Variants in ZNF407 observed in about 807,000 individuals in gnomAD.
The protein encoded by ZNF407 is zinc finger protein 407.
ZNF407 carries 17 observed loss-of-function variants against 131.2 expected under a neutral mutation model. That is an observed-to-expected ratio of 0.13 (90% CI 0.09 to 0.19). ZNF407 has a LOEUF of 0.19. ZNF407 is among the 10% of genes least tolerant of loss of function. The probability of loss-of-function intolerance (pLI) is 1.00; values close to 1 mark genes in which losing one functional copy is unlikely to be tolerated. For missense variants in ZNF407, 2,681 were observed against 2,830.6 expected (o/e 0.95, Z 1.20); for synonymous variants, 1,156 against 1,062.0 (o/e 1.09, Z -1.72).
intron 3 of ZNF407, among the ~76,000 whole-genome samples, chr18:74,755,683 A>C (rs1968922560): frequency 7.0e-6 from 1 of 142,738 alleles, no homozygotes; most frequent in South Asian, 2.3e-4. Context: ...CTGCCTCCTG[A>C]GTTCAAGCGA....
At chr18:74,628,023 C>T (rs1983879699) in intron 1 of ZNF407, among the ~76,000 whole-genome samples, 1 of 152,016 alleles carries the variant, frequency 6.6e-6, no homozygotes, top group Non-Finnish European at 1.5e-5. Flanking sequence ...TACAGGTTCA[C>T]ACCACCACAG....
At chr18:74,627,130 T>C (rs1983817763) in intron 1 of ZNF407, among the ~76,000 whole-genome samples, 1 of 152,248 alleles carries the variant, frequency 6.6e-6, no homozygotes, top group Non-Finnish European at 1.5e-5. Context: ...TGTCTTGCAC[T>C]GTTGCTTCGT....
chr18:74,734,671 T>TTGTG (rs200073035), intron 3 of ZNF407, among the ~76,000 whole-genome samples: 14,230 of 138,824 alleles, frequency 0.1, 862 homozygotes, highest in Non-Finnish European at 0.16. Flanking sequence ...GAGTTTCAAT[T>TTGTG]TGTGTGTGTG....
intron 4 of ZNF407, among the ~76,000 whole-genome samples, chr18:74,820,052 GA>G (rs1970319514): frequency 6.6e-6 from 1 of 152,224 alleles, no homozygotes; most frequent in South Asian, 2.1e-4. Context: ...TACAGAAGAA[GA>G]AAGGAGGGAT....
intron 7 of ZNF407, among the ~76,000 whole-genome samples, chr18:74,914,015 C>T (rs542763632): frequency 2.0e-5 from 3 of 152,192 alleles, no homozygotes; most frequent in South Asian, 2.1e-4. Context: ...AAATTCTGTA[C>T]GTCAAAGCTG....
chr18:74,867,391 T>C (rs1035528864), intron 4 of ZNF407, among the ~76,000 whole-genome samples: 2 of 152,234 alleles, frequency 1.3e-5, no homozygotes, highest in Admixed American at 1.3e-4. Context: ...TATCTTAATT[T>C]ATATTTATAG....
chr18:74,927,582 G>A (rs564631640), intron 8 of ZNF407, among the ~76,000 whole-genome samples: 5 of 152,282 alleles, frequency 3.3e-5, no homozygotes, highest in Middle Eastern at 3.4e-3. Flanking sequence ...AGTCACTCAA[G>A]CATTTTGTGT....
chr18:74,907,258 G>T (rs1455604341), intron 7 of ZNF407, among the ~76,000 whole-genome samples: 1 of 152,186 alleles, frequency 6.6e-6, no homozygotes, highest in East Asian at 1.9e-4. Context: ...CTCACAGAGG[G>T]AGTGCAGCAG....
In ZNF407 at chr18:74,724,844, A is replaced by G. The variant is rs933588010; in HGVS notation, c.4803-56584A>G. On this transcript the variant is annotated intron_variant, in intron 3 of 8. Coordinates refer to ENST00000299687, the MANE Select transcript of ZNF407 (RefSeq NM_017757.3). ...TCTTTTCATGTTATTTCATCAGGAT[A>G]GATTCCTAGAAGTAGAATATTGGGT... is the stretch of plus-strand genomic sequence containing the variant. Among the ~76,000 whole-genome samples the G allele has an allele frequency of 9.9e-5, 15 of 152,230 alleles. 1 individual carries two copies. Among genetic ancestry groups the G allele is most frequent in the Admixed American group, 5.9e-4 (9 of 15,284 alleles).
chr18:74,724,204 T>C (rs1420671730), intron 3 of ZNF407, among the ~76,000 whole-genome samples: 1 of 152,224 alleles, frequency 6.6e-6, no homozygotes, highest in Non-Finnish European at 1.5e-5. Flanking sequence ...TTCAAATTTA[T>C]TTTTAATTGA....
At chr18:74,660,225 A>C (rs926226889) in intron 3 of ZNF407, among the ~76,000 whole-genome samples, 1 of 152,120 alleles carries the variant, frequency 6.6e-6, no homozygotes. Context: ...GGTAGCAGTT[A>C]GGGCTGTGGG....
At chr18:75,060,254 T>C (rs926748089) in intron 8 of ZNF407, 2 of 152,240 alleles carry the variant, frequency 1.3e-5, no homozygotes, top group Non-Finnish European at 2.9e-5. Context: ...AATTAGGGAA[T>C]TTGTTAAGCT....
chr18:74,792,970 C>T (rs560115), intron 4 of ZNF407, among the ~76,000 whole-genome samples: 150,433 of 152,300 alleles, frequency 0.99, 74,331 homozygotes, highest in Middle Eastern at 1. Flanking sequence ...TCCTCTCTTA[C>T]TTATTTGCTA....
At chr18:74,955,918 C>T (rs1166324617) in intron 8 of ZNF407, among the ~76,000 whole-genome samples, 1 of 152,192 alleles carries the variant, frequency 6.6e-6, no homozygotes, top group Non-Finnish European at 1.5e-5. Flanking sequence ...CAAGACCATA[C>T]TTTTTTGTAC....
At chr18:74,711,389 A>AAGGGTCCATAAATGTGGAAG (rs1967758398) in intron 3 of ZNF407, among the ~76,000 whole-genome samples, 1 of 152,174 alleles carries the variant, frequency 6.6e-6, no homozygotes, top group Non-Finnish European at 1.5e-5. Context: ...ATGTGATCAC[A>AAGGGTCCATAAATGTGGAAG]AGGGTCCATA....
intron 8 of ZNF407, among the ~76,000 whole-genome samples, chr18:74,962,769 A>G (rs948571143): frequency 4.6e-5 from 7 of 151,546 alleles, no homozygotes; most frequent in Admixed American, 1.3e-4. Flanking sequence ...TGCCCTACCT[A>G]CCTCCCTTCA....
At chr18:74,895,222 T>C (rs1971437979) in intron 7 of ZNF407, among the ~76,000 whole-genome samples, 4 of 152,076 alleles carry the variant, frequency 2.6e-5, no homozygotes. Flanking sequence ...TTTTTTTTTT[T>C]TCTTTTTTTG....
intron 3 of ZNF407, among the ~76,000 whole-genome samples, chr18:74,668,522 T>C (rs1191505364): frequency 2.6e-5 from 4 of 152,354 alleles, no homozygotes; most frequent in African/African-American, 9.6e-5. Flanking sequence ...TGTTTCTACA[T>C]CTGTATTTAT....
intron 4 of ZNF407, among the ~76,000 whole-genome samples, chr18:74,857,732 A>G (rs1384246415): frequency 6.6e-6 from 1 of 152,196 alleles, no homozygotes; most frequent in Non-Finnish European, 1.5e-5. Context: ...TTTTAAATTA[A>G]TGAAGTACTG....
Sources: gnomAD v4.1 joint callset for allele counts (sites outside exome capture counted in the v4.1 genomes callset) on GRCh38, gnomAD v4.1.1 for gene constraint, MANE v1.5 for transcripts, NCBI Gene and HGNC (gene_info 2026-07-23, HGNC 2026-07-21) for gene names.